EPHB1: variants seen among roughly 807,000 people sequenced by gnomAD.
EPHB1 encodes ephrin type-B receptor 1.
A neutral mutation model predicts 94.4 loss-of-function variants in EPHB1; 30 were observed. The observed-to-expected ratio is 0.32, with a 90% CI of 0.24 to 0.43. EPHB1 has a LOEUF of 0.43. EPHB1 is among the 20% of genes least tolerant of loss of function. The pLI, the probability that EPHB1 is intolerant of heterozygous loss-of-function variation, is 1.00. For synonymous variants in EPHB1, 522 were observed against 489.1 expected, an observed-to-expected ratio of 1.07 and a Z score of -0.89; for missense variants, 1,055 against 1,308.3, an observed-to-expected ratio of 0.81 and a Z score of 2.99.
chr3:134,970,169 G>A (rs1187338250), intron 3 of EPHB1, among the ~76,000 whole-genome samples: 3 of 152,132 alleles, frequency 2.0e-5, no homozygotes, highest in Non-Finnish European at 4.4e-5. Flanking sequence ...TTTCACTTCA[G>A]CCAGGTCAAG....
chr3:135,031,537 T>C (rs1936470424), intron 3 of EPHB1, among the ~76,000 whole-genome samples: 1 of 152,232 alleles, frequency 6.6e-6, no homozygotes, highest in Admixed American at 6.5e-5. Context: ...CTTGAACTCC[T>C]GGGCTCAAGT....
intron 4 of EPHB1, among the ~76,000 whole-genome samples, chr3:135,129,553 G>A (rs919194837): frequency 2.0e-5 from 3 of 152,234 alleles, no homozygotes; most frequent in South Asian, 2.1e-4. Flanking sequence ...AGAAAACCAG[G>A]TGGGAGGGCA....
intron 1 of EPHB1, among the ~76,000 whole-genome samples, chr3:134,867,157 C>T (rs2037397832): frequency 6.6e-6 from 1 of 152,186 alleles, no homozygotes; most frequent in East Asian, 1.9e-4. Context: ...GCCAATCCCT[C>T]TTGTGGGTCA....
chr3:134,854,629 T>G (rs2037072316), intron 1 of EPHB1, among the ~76,000 whole-genome samples: 1 of 152,100 alleles, frequency 6.6e-6, no homozygotes, highest in African/African-American at 2.4e-5. Context: ...CAGCCAGGCT[T>G]CTCTGAGTAA....
At chr3:134,927,194 C>A (rs1238439964) in intron 2 of EPHB1, among the ~76,000 whole-genome samples, 1 of 152,212 alleles carries the variant, frequency 6.6e-6, no homozygotes, top group Non-Finnish European at 1.5e-5. Flanking sequence ...CATCACCATG[C>A]CCTGGTTCTG....
chr3:135,222,937 A>G (rs572383820), intron 12 of EPHB1, among the ~76,000 whole-genome samples: 1 of 152,276 alleles, frequency 6.6e-6, no homozygotes, highest in African/African-American at 2.4e-5. Context: ...TTTTCTCCCC[A>G]TAGGCTCTGT....
chr3:135,141,013 C>T (rs1045322198), intron 5 of EPHB1, among the ~76,000 whole-genome samples: 1 of 152,168 alleles, frequency 6.6e-6, no homozygotes, highest in East Asian at 1.9e-4. Flanking sequence ...AAATATTTTT[C>T]AGTGCAAGGT....
chr3:135,108,846 T>C (rs904858095), intron 4 of EPHB1, among the ~76,000 whole-genome samples: 2 of 152,152 alleles, frequency 1.3e-5, no homozygotes, highest in Non-Finnish European at 2.9e-5. Context: ...AGGGGATAGC[T>C]AGAGGCAGGT....
intron 3 of EPHB1, among the ~76,000 whole-genome samples, chr3:135,091,315 G>A (rs923974049): frequency 2.6e-5 from 4 of 152,202 alleles, no homozygotes; most frequent in African/African-American, 9.6e-5. Context: ...ACCATGACTT[G>A]TTCTGGTTCA....
intron 1 of EPHB1, among the ~76,000 whole-genome samples, chr3:134,837,700 G>A (rs903033224): frequency 2.0e-5 from 3 of 152,186 alleles, no homozygotes; most frequent in African/African-American, 7.2e-5. Flanking sequence ...CCAAAAGAAC[G>A]AAGTCCAAAA....
intron 1 of EPHB1, among the ~76,000 whole-genome samples, chr3:134,908,312 C>T (rs1018414215): frequency 3.3e-5 from 5 of 152,246 alleles, no homozygotes; most frequent in African/African-American, 1.2e-4. Context: ...CTCTGTGACT[C>T]TGCAGCTCAG....
chr3:135,161,965 G>C (rs1941519222), intron 6 of EPHB1, 53 bp from the exon 7 acceptor site: 1 of 1,555,770 alleles, frequency 6.4e-7, no homozygotes, highest in South Asian at 1.2e-5. Context: ...GAGTGGGCTG[G>C]GGGTGTAGCC....
intron 3 of EPHB1, among the ~76,000 whole-genome samples, chr3:135,078,035 C>T (rs1194546661): frequency 2.6e-5 from 4 of 152,196 alleles, no homozygotes; most frequent in Admixed American, 1.3e-4. Flanking sequence ...CTCCATTTTG[C>T]AGATGATGGA....
At chr3:135,096,398 C>T (rs1013198314) in intron 3 of EPHB1, among the ~76,000 whole-genome samples, 8 of 152,180 alleles carry the variant, frequency 5.3e-5, no homozygotes, top group Non-Finnish European at 1.2e-4. Flanking sequence ...ATACCAGAAT[C>T]GCCTGGTTGG....
chr3:135,053,054 T>TATATATATATAA (rs1228359626), intron 3 of EPHB1, among the ~76,000 whole-genome samples: 34 of 136,354 alleles, frequency 2.5e-4, no homozygotes, highest in African/African-American at 9.0e-4. Context: ...TATATATATA[T>TATATATATATAA]AAAGTTGGTG....
chr3:135,066,754 A>T (rs995480936), intron 3 of EPHB1, among the ~76,000 whole-genome samples: 65 of 151,626 alleles, frequency 4.3e-4, no homozygotes, highest in Middle Eastern at 3.2e-3. Context: ...TTTTTTCTGG[A>T]GGTGTTAAAG....
chr3:135,207,688 G>A (rs1942935035), intron 12 of EPHB1, among the ~76,000 whole-genome samples: 1 of 152,200 alleles, frequency 6.6e-6, no homozygotes, highest in Admixed American at 6.5e-5. Context: ...CACTGTTTTA[G>A]TCAGCCTGGG....
rs1218821867 is a variant in EPHB1 at position 135,002,749 on chromosome 3, G to A, written c.805+50697G>A. On this transcript the variant is annotated intron_variant, in intron 3 of 15. Transcript: ENST00000398015. ...AGATTTTCTAGTTTATTTGCGTAGA[G>A]GTGTTTGTAGTATTCTCTGATGGTA... Among the ~76,000 whole-genome samples the A allele has an allele frequency of 3.9e-5, 6 of 152,130 alleles. No individual in the cohort carries two copies. The East Asian group carries it at 1.2e-3, about 29-fold the overall frequency.
At chr3:134,812,362 CAT>C in intron 1 of EPHB1, among the ~76,000 whole-genome samples, 1 of 152,324 alleles carries the variant, frequency 6.6e-6, no homozygotes, top group African/African-American at 2.4e-5. Flanking sequence ...GAAATGGAAT[CAT>C]AGAGTATGTG....
Sources: gnomAD v4.1 joint callset for allele counts (sites outside exome capture counted in the v4.1 genomes callset) on GRCh38, gnomAD v4.1.1 for gene constraint, MANE v1.5 for transcripts, NCBI Gene and HGNC (gene_info 2026-07-23, HGNC 2026-07-21) for gene names.